Variants in PAX7 observed in about 807,000 individuals in gnomAD.
The protein encoded by PAX7 is paired box 7.
PAX7 carries 18 observed loss-of-function variants against 50.7 expected under a neutral mutation model. That is an observed-to-expected ratio of 0.36 (90% CI 0.25 to 0.53). The LOEUF (loss-of-function observed/expected upper bound fraction) is 0.53, where lower values mean the gene tolerates loss of function less well. PAX7 is among the 20% of genes least tolerant of loss of function. The probability of loss-of-function intolerance (pLI) is 0.93; values close to 1 mark genes in which losing one functional copy is unlikely to be tolerated. For missense variants in PAX7, 644 were observed against 702.9 expected (o/e 0.92, Z 0.95); for synonymous variants, 310 against 290.4 (o/e 1.07, Z -0.69).
In PAX7 at chr1:18,631,575, C is replaced by CT. The variant is rs763487836; in HGVS notation, c.-26dup. ...GCGGACGGGAAGCGATTTTTGCCGA[C>CT]TTTGGATTCGTCCCCGGCGTGCGCA... On this transcript the variant is annotated 5_prime_UTR_variant, in exon 1 of 9. Transcript: ENST00000420770. 7.6e-5 allele frequency: 121 copies of CT among 1,600,424 alleles called. No homozygotes were observed. Among genetic ancestry groups the CT allele is most frequent in the Non-Finnish European group, 9.9e-5 (116 of 1,171,868 alleles).
In PAX7 at chr1:18,683,717, C is replaced by A. The variant is rs373772136; in HGVS notation, c.587-8037C>A. Among the ~76,000 whole-genome samples the A allele has an allele frequency of 2.0e-3, 301 of 152,250 alleles. 3 individuals carry two copies. In the South Asian group the frequency reaches 0.029, roughly 15 times the overall value. On this transcript the variant is annotated intron_variant, in intron 4 of 8. Transcript: ENST00000420770. ...TAGTCCGGCACGGTGGTCGGTGCCT[C>A]TAATCCCAGCTACTCGGGAGGCTAA... is the stretch of plus-strand genomic sequence containing the variant.
rs766495134 is a variant in PAX7, at chr1:18,735,670, G to C, written c.1194G>C (p.Pro398=). The change falls in exon 8 of 9, where the codon CCG becomes CCC. Residue 398 remains proline (P), a synonymous_variant. Transcript: ENST00000420770. The surrounding 1 kb of genome is among the most constrained non-coding windows in gnomAD (Gnocchi z 4.0). ...TGGGCAACCCCAGTGCGGTGCCCCC[G>C]CAGCCACAGGCTGACTTCTCCATCT... is the stretch of plus-strand genomic sequence containing the variant. The part of the protein sequence containing the change: ...SILGNPSAVP[P]QPQADFSISP... 3 of 1,613,998 alleles carry C rather than the reference G, an allele frequency of 1.9e-6. No individual in the cohort carries two copies. The highest frequency in any genetic ancestry group is 1.7e-5 in the Admixed American group (1 of 60,028).
At chr1:18,712,722 A>G (rs1292264246) in intron 7 of PAX7, among the ~76,000 whole-genome samples, 1 of 152,130 alleles carries the variant, frequency 6.6e-6, no homozygotes, top group East Asian at 1.9e-4. Context: ...GAATTCTGGG[A>G]AGATATCGGG....
Position 18,691,813 on chromosome 1 carries a change from A to C in PAX7, c.646A>C (p.Lys216Gln). ...GGAACCTGACCTCCCACTGAAGCGCAAGCAGCGACGCAGTCGGACCACATT... is the reference window on the plus strand; with the variant it reads ...GGAACCTGACCTCCCACTGAAGCGCCAGCAGCGACGCAGTCGGACCACATT... ...ESEPDLPLKR[K>Q]QRRSRTTFTA... The change falls in exon 5 of 9, where the codon AAG becomes CAG. Residue 216 changes from lysine (K) to glutamine (Q), a missense_variant. Transcript: ENST00000420770. 6.2e-7 allele frequency: 1 copy of C among 1,611,356 alleles called. No homozygotes were observed. Among genetic ancestry groups the C allele is most frequent in the Non-Finnish European group, 8.5e-7 (1 of 1,178,938 alleles).
At chr1:18,662,455 C>T (rs1388324015) in intron 4 of PAX7, among the ~76,000 whole-genome samples, 1 of 152,198 alleles carries the variant, frequency 6.6e-6, no homozygotes. Flanking sequence ...CTCATTCTCT[C>T]ATCCTGTAAG....
intron 4 of PAX7, among the ~76,000 whole-genome samples, chr1:18,658,925 AGTGTGTGTGCATAT>A (rs999158947): frequency 1.3e-5 from 2 of 152,092 alleles, no homozygotes; most frequent in African/African-American, 4.8e-5. Flanking sequence ...TGAGCTGGAG[AGTGTGTGTGCATAT>A]GTGTGTGTGC....
At chr1:18,655,995 C>G (rs2088512647) in intron 4 of PAX7, among the ~76,000 whole-genome samples, 2 of 152,176 alleles carry the variant, frequency 1.3e-5, no homozygotes, top group African/African-American at 4.8e-5. Flanking sequence ...CTTTACCCTC[C>G]TGGCACTCCA....
In PAX7 at chr1:18,744,655, A is replaced by AGGAC. The variant is rs1327460213; in HGVS notation, c.1403-155_1403-152dup. 5.2e-3 allele frequency among the ~76,000 whole-genome samples: 322 copies of AGGAC among 62,388 alleles called. 1 individual carries two copies. Among genetic ancestry groups the AGGAC allele is most frequent in the African/African-American group, 0.017 (288 of 17,162 alleles). The allele number at this position is 62,388 out of a possible 152,430, so 40.9% of individuals were successfully genotyped here. On this transcript the variant is annotated intron_variant, in intron 8 of 8. Transcript: ENST00000420770. Reference sequence around the variant, plus strand: ...TGGATGAAAGAATGGATGAGTAGACAGGACGGATGGATGGATGGATGGATG... The same window carrying AGGAC: ...TGGATGAAAGAATGGATGAGTAGACAGGACGGACGGATGGATGGATGGATGGATG...
At position 18,747,804 on chromosome 1, in the gene PAX7, A is replaced by AAT. The variant is rs753905725; in HGVS notation, c.*2887_*2888dup. 212 of 190,478 alleles carry AAT rather than the reference A, an allele frequency of 1.1e-3. 1 individual carries two copies. Among genetic ancestry groups the AAT allele is most frequent in the Middle Eastern group, 7.6e-3 (4 of 526 alleles). The allele number at this position is 190,478 out of a possible 1,614,324, so 11.8% of individuals were successfully genotyped here. A position where few individuals can be genotyped will look rare whatever the true frequency, so the allele number is the denominator to read the frequency against. Reference sequence around the variant, plus strand: ...GTTTATAGAAAGCTGACTTTTTATAAATATATATATATACTAAAAAAGGAA... The same window carrying AAT: ...GTTTATAGAAAGCTGACTTTTTATAAATATATATATATATACTAAAAAAGGAA... On this transcript the variant is annotated 3_prime_UTR_variant, in exon 9 of 9. Coordinates refer to ENST00000420770, the MANE Select transcript of PAX7 (RefSeq NM_001135254.2).
intron 5 of PAX7, among the ~76,000 whole-genome samples, chr1:18,696,962 C>T (rs2089157415): frequency 6.6e-6 from 1 of 152,040 alleles, no homozygotes; most frequent in African/African-American, 2.4e-5. Flanking sequence ...ACCCCATTTA[C>T]CCCGATGTGA....
At chr1:18,672,093 C>A (rs1056373338) in intron 4 of PAX7, among the ~76,000 whole-genome samples, 3 of 152,120 alleles carry the variant, frequency 2.0e-5, no homozygotes, top group African/African-American at 7.2e-5. Flanking sequence ...ACATACAGGG[C>A]ACTCTGTGAG....
intron 8 of PAX7, among the ~76,000 whole-genome samples, chr1:18,739,180 G>A (rs549168188): frequency 1.3e-5 from 2 of 152,300 alleles, no homozygotes; most frequent in East Asian, 1.9e-4. Flanking sequence ...GTGCAAAAAC[G>A]AGGCTCAGAG....
rs1931371543 is a variant in PAX7 at position 18,744,956 on chromosome 1, C to T, written c.*27C>T. On this transcript the variant is annotated 3_prime_UTR_variant, in exon 9 of 9. Coordinates refer to ENST00000420770, the MANE Select transcript of PAX7 (RefSeq NM_001135254.2). ...GCCCCTGGGGCGACTTGCCCCAGCC[C>T]AATTCCCAGCCCAACCCTAACTGAC... 13 of 1,321,040 alleles carry T rather than the reference C, an allele frequency of 9.8e-6. No individual in the cohort carries two copies. Among genetic ancestry groups the T allele is most frequent in the Non-Finnish European group, 1.2e-5 (11 of 937,308 alleles). The allele number at this position is 1,321,040 out of a possible 1,614,324, so 81.8% of individuals were successfully genotyped here. A position where few individuals can be genotyped will look rare whatever the true frequency, so the allele number is the denominator to read the frequency against.
At chr1:18,650,160 T>C (rs2088409701) in intron 4 of PAX7, among the ~76,000 whole-genome samples, 1 of 152,242 alleles carries the variant, frequency 6.6e-6, no homozygotes, top group African/African-American at 2.4e-5. Context: ...AAGCTCTGTA[T>C]ACTCCTGGAA....
Position 18,745,988 on chromosome 1 carries a change from G to A in PAX7, c.*1059G>A, listed in dbSNP as rs1277464125. On this transcript the variant is annotated 3_prime_UTR_variant, in exon 9 of 9. Transcript: ENST00000420770. ...CCAGGGAGTTGAGATTTTGCCCAAAGCCTTCCGCAGAGGCCCGAGCCCATC... is the reference window on the plus strand; with the variant it reads ...CCAGGGAGTTGAGATTTTGCCCAAAACCTTCCGCAGAGGCCCGAGCCCATC... The A allele has an allele frequency of 3.0e-5, 7 of 230,806 alleles. No individual in the cohort carries two copies. The highest frequency in any genetic ancestry group is 5.1e-5 in the Non-Finnish European group (6 of 116,610). 14.3% of individuals were successfully genotyped at this position (230,806 alleles called of 1,614,324 possible). A position where few individuals can be genotyped will look rare whatever the true frequency, so the allele number is the denominator to read the frequency against.
intron 7 of PAX7, among the ~76,000 whole-genome samples, chr1:18,707,583 C>T (rs2089300772): frequency 6.6e-6 from 1 of 151,898 alleles, no homozygotes; most frequent in Admixed American, 6.6e-5. Context: ...CCACCATGCC[C>T]AGCTAATTTT....
At chr1:18,633,784 C>T (rs977714884) in intron 1 of PAX7, among the ~76,000 whole-genome samples, 2 of 152,218 alleles carry the variant, frequency 1.3e-5, no homozygotes, top group African/African-American at 4.8e-5. Context: ...TAGCCCCCAA[C>T]AAACTGGATC....
In PAX7 at chr1:18,744,887, T is replaced by G. The variant is rs1931362715; in HGVS notation, c.1476T>G (p.Ala492=). The change falls in exon 9 of 9, where the codon GCT becomes GCG. Residue 492 remains alanine (A), a synonymous_variant. Transcript: ENST00000420770. Reference sequence around the variant, plus strand: ...GCATGAAGCTCGGGGAGCACTCTGCTGTGCTGGGACTCCTGCCTGTGGAAA... The same window carrying G: ...GCATGAAGCTCGGGGAGCACTCTGCGGTGCTGGGACTCCTGCCTGTGGAAA... The part of the protein sequence containing the change: ...QRRMKLGEHS[A]VLGLLPVETG... 2.6e-6 allele frequency: 4 copies of G among 1,556,134 alleles called. No homozygotes were observed. The highest frequency in any genetic ancestry group is 8.7e-7 in the Non-Finnish European group (1 of 1,149,570).
intron 7 of PAX7, among the ~76,000 whole-genome samples, chr1:18,722,191 C>A (rs1339352784): frequency 6.6e-6 from 1 of 152,096 alleles, no homozygotes; most frequent in African/African-American, 2.4e-5. Context: ...TGGTCAGCAC[C>A]AGGGTCATGG....
Sources: allele counts gnomAD v4.1 joint callset (sites outside exome capture counted in the v4.1 genomes callset), GRCh38; gene constraint gnomAD v4.1.1; non-coding constraint Gnocchi (gnomAD v3.1); transcripts MANE v1.5; gene names NCBI Gene and HGNC (gene_info 2026-07-23, HGNC 2026-07-21).